CLIP4: variants seen among roughly 807,000 people sequenced by gnomAD.
CLIP4 encodes the protein CAP-Gly domain-containing linker protein 4.
A neutral mutation model predicts 73.1 loss-of-function variants in CLIP4; 47 were observed. That is an observed-to-expected ratio of 0.64 (90% CI 0.51 to 0.82). The LOEUF is 0.82. CLIP4 is among the 40% of genes least tolerant of loss of function. CLIP4 has a pLI of 0.00. For synonymous variants in CLIP4, 306 were observed against 295.4 expected (o/e 1.04, Z -0.37); for missense variants, 874 against 852.9 (o/e 1.02, Z -0.31).
chr2:29,157,719 A>G (rs1398314284), intron 11 of CLIP4, among the ~76,000 whole-genome samples: 1 of 152,234 alleles, frequency 6.6e-6, no homozygotes, highest in Non-Finnish European at 1.5e-5. Context: ...GTCCTCTCCC[A>G]GGATGGCAAT....
intron 6 of CLIP4, among the ~76,000 whole-genome samples, chr2:29,136,805 G>T (rs1665398713): frequency 6.6e-6 from 1 of 152,034 alleles, no homozygotes; most frequent in East Asian, 1.9e-4. Context: ...GGAGGCGTTT[G>T]CTTTTGTTGG....
chr2:29,133,728 C>G lies in CLIP4; in HGVS notation c.441C>G (p.Arg147=), dbSNP rs1665143901. Residue 147 remains arginine (R), a synonymous_variant, in exon 5 of 16, where the codon CGC becomes CGG. Transcript: ENST00000320081. ...DLGADISLRS[R]WTNMNALHYA... The stretch of plus-strand genomic sequence containing the variant: ...GAGCAGACATTAGTTTGCGGAGTCG[C>G]TGGACAAACATGAATGCTTTGCATT... 1 of 1,613,652 alleles carries G rather than the reference C, an allele frequency of 6.2e-7. No homozygotes were observed. The highest frequency in any genetic ancestry group is 1.3e-5 in the African/African-American group (1 of 74,900).
rs56927221 is a variant in CLIP4, at chr2:29,159,683, T to TAAA, written c.1400-628_1400-626dup. Among the ~76,000 whole-genome samples, 865 of 114,100 alleles carry TAAA rather than the reference T, an allele frequency of 7.6e-3. 9 individuals carry two copies. The highest frequency in any genetic ancestry group is 0.022 in the African/African-American group (603 of 27,854). The allele number at this position is 114,100 out of a possible 152,430, so 74.9% of individuals were successfully genotyped here. A position where few individuals can be genotyped will look rare whatever the true frequency, so the allele number is the denominator to read the frequency against. On this transcript the variant is annotated intron_variant, in intron 11 of 15. Coordinates refer to ENST00000320081, the MANE Select transcript of CLIP4 (RefSeq NM_024692.6). ...TCAACACAGCAAGACCCTGTTTCTT[T>TAAA]AAAAAAAAAAAAAAAAAAAAAAAAG...
intron 6 of CLIP4, among the ~76,000 whole-genome samples, chr2:29,142,398 A>G (rs1364715699): frequency 6.6e-6 from 1 of 152,182 alleles, no homozygotes; most frequent in African/African-American, 2.4e-5. Flanking sequence ...GGATATAACA[A>G]AAGTCCAAAG....
rs766669397 is a variant in CLIP4, at chr2:29,133,820, A to G, written c.529+4A>G. ...TTGAAAACATCGAAACCAAAAGGCA[A>G]GTATTATAAGATCACCTTTAGATAT... On this transcript the variant is annotated splice_donor_region_variant and intron_variant, in intron 5 of 15. Coordinates refer to ENST00000320081, the MANE Select transcript of CLIP4 (RefSeq NM_024692.6). 6.3e-7 allele frequency: 1 copy of G among 1,597,176 alleles called. No individual in the cohort carries two copies. The highest frequency in any genetic ancestry group is 8.5e-7 in the Non-Finnish European group (1 of 1,172,864).
chr2:29,171,275 C>T (rs564083311), intron 14 of CLIP4, among the ~76,000 whole-genome samples: 2 of 152,102 alleles, frequency 1.3e-5, no homozygotes, highest in African/African-American at 2.4e-5. Flanking sequence ...TTTCTTCCAT[C>T]AGAGTTTTAT....
intron 13 of CLIP4, among the ~76,000 whole-genome samples, chr2:29,166,117 A>C (rs1276277757): frequency 1.3e-5 from 2 of 152,138 alleles, no homozygotes; most frequent in African/African-American, 2.4e-5. Context: ...GGCATTCTAT[A>C]AGCGAATAAA....
In CLIP4 at chr2:29,160,376, C is replaced by G. The variant is rs140728187; in HGVS notation, c.1443C>G (p.Cys481Trp). Residue 481 changes from cysteine to tryptophan, a missense_variant, in exon 12 of 16, where the codon TGC (cysteine) becomes TGG (tryptophan). Transcript: ENST00000320081. ...SATSTANNSR[C>W]EGELRLGERV... ...CATCTACAGCAAATAATAGCCGTTG[C>G]GAGGGGGAACTCCGCCTCGGAGAGA... 19 of 1,613,928 alleles carry G rather than the reference C, an allele frequency of 1.2e-5. No homozygotes were observed. Among genetic ancestry groups the G allele is most frequent in the Admixed American group, 1.7e-5 (1 of 59,982 alleles).
At chr2:29,138,226 C>T (rs1271938442) in intron 6 of CLIP4, among the ~76,000 whole-genome samples, 1 of 152,120 alleles carries the variant, frequency 6.6e-6, no homozygotes, top group East Asian at 1.9e-4. Flanking sequence ...CTGCATATGG[C>T]TAGCCAGTTT....
chr2:29,165,642 T>G (rs1573008413), intron 13 of CLIP4, among the ~76,000 whole-genome samples: 5 of 152,342 alleles, frequency 3.3e-5, no homozygotes, highest in Admixed American at 3.3e-4. Flanking sequence ...ACTTTGGGCA[T>G]ATCTTCATCA....
chr2:29,124,220 A>C (rs1664444537), intron 2 of CLIP4, among the ~76,000 whole-genome samples: 1 of 152,122 alleles, frequency 6.6e-6, no homozygotes, highest in Non-Finnish European at 1.5e-5. Context: ...TATGTCTGAA[A>C]ACATCTTTAT....
chr2:29,103,485 G>A (rs972934632), intron 1 of CLIP4, among the ~76,000 whole-genome samples: 1 of 151,992 alleles, frequency 6.6e-6, no homozygotes, highest in Non-Finnish European at 1.5e-5. Context: ...ATCAGGGAGT[G>A]TGCTAAATTC....
chr2:29,138,461 G>C (rs1475657489), intron 6 of CLIP4, among the ~76,000 whole-genome samples: 1 of 148,382 alleles, frequency 6.7e-6, no homozygotes, highest in Non-Finnish European at 1.5e-5. Context: ...TGTTCTTTCT[G>C]CTTAGGATTG....
chr2:29,163,789 A>T, intron 12 of CLIP4, 42 bp from the exon 13 acceptor site: 2 of 1,573,464 alleles, frequency 1.3e-6, no homozygotes, highest in Non-Finnish European at 8.6e-7. Flanking sequence ...AGAGTTTTGG[A>T]TAAAGTACAG....
chr2:29,178,304 T>C (rs1288419950), intron 15 of CLIP4, among the ~76,000 whole-genome samples: 2 of 152,006 alleles, frequency 1.3e-5, no homozygotes, highest in African/African-American at 4.8e-5. Flanking sequence ...CTCAGCCTCC[T>C]GAGTAGCCAG....
chr2:29,149,587 A>T (rs1351419950), intron 8 of CLIP4, among the ~76,000 whole-genome samples: 1 of 151,930 alleles, frequency 6.6e-6, no homozygotes, highest in East Asian at 1.9e-4. Context: ...GTTAAGCCTT[A>T]CAGTTACATG....
At chr2:29,118,163 G>A (rs569847304) in intron 1 of CLIP4, 1 of 152,282 alleles carries the variant, frequency 6.6e-6, no homozygotes, top group African/African-American at 2.4e-5. Context: ...TGTAGACACA[G>A]CTTTGGTCTC....
chr2:29,162,889 A>G (rs924317039), intron 12 of CLIP4, among the ~76,000 whole-genome samples: 2 of 152,206 alleles, frequency 1.3e-5, no homozygotes, highest in African/African-American at 4.8e-5. Context: ...TTGAACTAGT[A>G]ATCTGGAAGA....
chr2:29,130,644 C>G, intron 2 of CLIP4: 2 of 1,126,482 alleles, frequency 1.8e-6, no homozygotes, highest in Non-Finnish European at 2.2e-6. Context: ...GTTGTCTAAG[C>G]TTACGAATGT....
Sources: allele counts gnomAD v4.1 joint callset (sites outside exome capture counted in the v4.1 genomes callset), GRCh38; gene constraint gnomAD v4.1.1; transcripts MANE v1.5; gene names NCBI Gene and HGNC (gene_info 2026-07-23, HGNC 2026-07-21).